The following CELSR3 variants were observed in gnomAD, a reference collection of about 807,000 sequenced individuals.
The protein encoded by CELSR3 is cadherin EGF LAG seven-pass G-type receptor 3, also known as EGF-like protein 1.
In CELSR3, 73 loss-of-function variants were observed where a neutral mutation model predicts 270.0. That is an observed-to-expected ratio of 0.27 (90% CI 0.22 to 0.33). The LOEUF (loss-of-function observed/expected upper bound fraction) is 0.33, where lower values mean the gene tolerates loss of function less well. Ranked by LOEUF, CELSR3 falls within the 10% of genes least tolerant of loss-of-function variation. CELSR3 has a pLI of 1.00. For synonymous variants in CELSR3, 1,780 were observed against 1,905.4 expected, an observed-to-expected ratio of 0.93 and a Z score of 1.71; for missense variants, 3,614 against 4,533.8, an observed-to-expected ratio of 0.80 and a Z score of 5.83.
chr3:48,650,664 C>A lies in CELSR3; in HGVS notation c.6371-83G>T, dbSNP rs1237036227. On this transcript the variant is annotated intron_variant, in intron 15 of 34. Transcript: ENST00000164024. This position sits in a 1 kb window ranked among gnomAD's most constrained non-coding sequence, Gnocchi z 5.1. ...CACCCACTGCCCCTCCACCACCCCC[C>A]ACAAGGCCCACTGCCCGCCACTCCT... 6 of 1,194,132 alleles carry A rather than the reference C, an allele frequency of 5.0e-6. No individual in the cohort carries two copies. The highest frequency in any genetic ancestry group is 5.1e-5 in the East Asian group (2 of 39,472). The allele number at this position is 1,194,132 out of a possible 1,614,324, so 74.0% of individuals were successfully genotyped here.
In CELSR3 at chr3:48,653,151, C is replaced by T; in HGVS notation, c.5485G>A (p.Gly1829Ser). Residue 1829 changes from glycine (G) to serine (S), a missense_variant, in exon 10 of 35, where the codon GGC becomes AGC. Gly to Ser is a moderately conservative substitution (Grantham distance 56). Coordinates refer to ENST00000164024, the MANE Select transcript of CELSR3 (RefSeq NM_001407.3). This position sits in a 1 kb window ranked among gnomAD's most constrained non-coding sequence, Gnocchi z 6.5. ...AGGAGATGGGAAGCACGGCCCGAGC[C>T]CCTGGTCACTGTCACAGACAGTAAC... ...RGLLSVTVTR[G>S]SGRASHLLLD... 1 of 1,613,310 alleles carries T rather than the reference C, an allele frequency of 6.2e-7. No homozygotes were observed. Among genetic ancestry groups the T allele is most frequent in the Non-Finnish European group, 8.5e-7 (1 of 1,180,022 alleles).
chr3:48,640,915 G>A lies in CELSR3; in HGVS notation c.9026-356C>T. The A allele has an allele frequency of 2.4e-6, 1 of 411,908 alleles. No individual in the cohort carries two copies. The highest frequency in any genetic ancestry group is 4.4e-6 in the Non-Finnish European group (1 of 229,548). 25.5% of individuals were successfully genotyped at this position (411,908 alleles called of 1,614,324 possible). A position where few individuals can be genotyped will look rare whatever the true frequency, so the allele number is the denominator to read the frequency against. On this transcript the variant is annotated intron_variant, in intron 33 of 34. Coordinates refer to ENST00000164024, the MANE Select transcript of CELSR3 (RefSeq NM_001407.3). The surrounding 1 kb of genome is among the most constrained non-coding windows in gnomAD (Gnocchi z 7.5). ...GAACCCCCCGGGTTGGACAGGAGCA[G>A]TCCCCAGGTCCCTGTGATGCAAGGG... is the stretch of plus-strand genomic sequence containing the variant.
In CELSR3 at chr3:48,653,897, G is replaced by A. The variant is rs369772611; in HGVS notation, c.5259C>T (p.Gly1753=). The part of the protein sequence containing the change: ...SFSCDCPVGF[G]GKDCQLTMAH... Reference sequence around the variant, plus strand: ...ACTTACTAAGCTGACAGTCTTTGCCGCCGAAGCCCACAGGGCAGTCGCAGC... The same window carrying A: ...ACTTACTAAGCTGACAGTCTTTGCCACCGAAGCCCACAGGGCAGTCGCAGC... Residue 1753 remains glycine, a synonymous_variant, in exon 8 of 35, where the codon GGC becomes GGT. Coordinates refer to ENST00000164024, the MANE Select transcript of CELSR3 (RefSeq NM_001407.3). This position sits in a 1 kb window ranked among gnomAD's most constrained non-coding sequence, Gnocchi z 6.5. 2.3e-5 allele frequency: 37 copies of A among 1,613,582 alleles called. No homozygotes were observed. The Admixed American group carries it at 3.0e-4, about 13-fold the overall frequency.
chr3:48,654,898 C>T lies in CELSR3; in HGVS notation c.4988+146G>A. 2 of 816,160 alleles carry T rather than the reference C, an allele frequency of 2.5e-6. No individual in the cohort carries two copies. The highest frequency in any genetic ancestry group is 4.0e-6 in the Non-Finnish European group (2 of 499,650). The allele number at this position is 816,160 out of a possible 1,614,324, so 50.6% of individuals were successfully genotyped here. A position where few individuals can be genotyped will look rare whatever the true frequency, so the allele number is the denominator to read the frequency against. The stretch of plus-strand genomic sequence containing the variant: ...TTGGGGGCTAGGGTGAGTAGGCTTT[C>T]AGGGTCTTTGAGAGGAGAGGGGAAT... On this transcript the variant is annotated intron_variant, in intron 6 of 34. Coordinates refer to ENST00000164024, the MANE Select transcript of CELSR3 (RefSeq NM_001407.3). The surrounding 1 kb of genome is among the most constrained non-coding windows in gnomAD (Gnocchi z 5.4).
In CELSR3 at chr3:48,651,618, A is replaced by T; in HGVS notation, c.6024T>A (p.Cys2008Ter). The T allele has an allele frequency of 6.3e-7, 1 of 1,589,366 alleles. No individual in the cohort carries two copies. The highest frequency in any genetic ancestry group is 8.6e-7 in the Non-Finnish European group (1 of 1,166,218). ...GCCCGAAATAGCCACCCACACAGTC[A>T]CAGGTATAGCCATGGGGGGCTCCTG... ...HLPGAPHGYT[C>*]DCVGGYFGHH... The change falls in exon 13 of 35, where the codon TGT becomes TGA. Residue 2008 changes from cysteine (C) to a stop codon, truncating the protein, a stop_gained. Coordinates refer to ENST00000164024, the MANE Select transcript of CELSR3 (RefSeq NM_001407.3). LOFTEE classifies it high-confidence loss of function. This position sits in a 1 kb window ranked among gnomAD's most constrained non-coding sequence, Gnocchi z 7.4.
In CELSR3 at chr3:48,642,289, G is replaced by C; in HGVS notation, c.8665+69C>G. 3 of 1,514,124 alleles carry C rather than the reference G, an allele frequency of 2.0e-6. No homozygotes were observed. The highest frequency in any genetic ancestry group is 2.7e-6 in the Non-Finnish European group (3 of 1,113,494). The allele number at this position is 1,514,124 out of a possible 1,614,324, so 93.8% of individuals were successfully genotyped here. A position where few individuals can be genotyped will look rare whatever the true frequency, so the allele number is the denominator to read the frequency against. On this transcript the variant is annotated intron_variant, in intron 31 of 34. Coordinates refer to ENST00000164024, the MANE Select transcript of CELSR3 (RefSeq NM_001407.3). This position sits in a 1 kb window ranked among gnomAD's most constrained non-coding sequence, Gnocchi z 6.1. ...CCAGTCAGCCACTGCTCCCAGTATGGGGTAGAAGAAAAGGGGATGGGGAGA... is the reference window on the plus strand; with the variant it reads ...CCAGTCAGCCACTGCTCCCAGTATGCGGTAGAAGAAAAGGGGATGGGGAGA...
At position 48,656,683 on chromosome 3, in the gene CELSR3, C is replaced by G. The variant is rs1255731044; in HGVS notation, c.4399+15G>C. ...GCCCGTGCTTCCCCCAGCTCTGGCC[C>G]GGCGCCCTGCTCACCGGTGAAGCGC... On this transcript the variant is annotated intron_variant, in intron 2 of 34. Coordinates refer to ENST00000164024, the MANE Select transcript of CELSR3 (RefSeq NM_001407.3). 2 of 1,469,132 alleles carry G rather than the reference C, an allele frequency of 1.4e-6. No individual in the cohort carries two copies. The highest frequency in any genetic ancestry group is 1.8e-6 in the Non-Finnish European group (2 of 1,117,070). The allele number at this position is 1,469,132 out of a possible 1,614,324, so 91.0% of individuals were successfully genotyped here. A position where few individuals can be genotyped will look rare whatever the true frequency, so the allele number is the denominator to read the frequency against.
In CELSR3 at chr3:48,653,757, G is replaced by T. The variant is rs146204269; in HGVS notation, c.5310C>A (p.Asn1770Lys). ...TMAHPHHFRGNGTLSWNFGSD... is the reference protein window; with the variant it reads ...TMAHPHHFRGKGTLSWNFGSD... ...TTCCAAAGTTCCAGCTCAGTGTGCC[G>T]TTGCCACGGAAATGGTGGGGATGGG... The change falls in exon 9 of 35, where the codon AAC becomes AAA. Residue 1770 changes from asparagine to lysine, a missense_variant. This residue lies in a region of CELSR3 where 1,331 missense variants were observed against 1,933.7 expected (regional missense o/e 0.69). Coordinates refer to ENST00000164024, the MANE Select transcript of CELSR3 (RefSeq NM_001407.3). The surrounding 1 kb of genome is among the most constrained non-coding windows in gnomAD (Gnocchi z 6.5). 1.2e-6 allele frequency: 2 copies of T among 1,614,194 alleles called. No homozygotes were observed. Among genetic ancestry groups the T allele is most frequent in the African/African-American group, 2.7e-5 (2 of 75,058 alleles).
At position 48,645,386 on chromosome 3, in the gene CELSR3, G is replaced by A; in HGVS notation, c.7797+57C>T. The A allele has an allele frequency of 6.2e-7, 1 of 1,603,454 alleles. No homozygotes were observed. The highest frequency in any genetic ancestry group is 8.5e-7 in the Non-Finnish European group (1 of 1,171,818). ...CCTCTGACCCTGAGTTTTGGCCCCAGGCCTCCTGGGCCAGTAGGGTCATCA... is the reference window on the plus strand; with the variant it reads ...CCTCTGACCCTGAGTTTTGGCCCCAAGCCTCCTGGGCCAGTAGGGTCATCA... On this transcript the variant is annotated intron_variant, in intron 24 of 34. Coordinates refer to ENST00000164024, the MANE Select transcript of CELSR3 (RefSeq NM_001407.3). The surrounding 1 kb of genome is among the most constrained non-coding windows in gnomAD (Gnocchi z 5.4).
Position 48,656,119 on chromosome 3 carries a change from A to G in CELSR3, c.4625+21T>C, listed in dbSNP as rs1402757573. Reference sequence around the variant, plus strand: ...AGGTGGGGGCGGCGGGGAGGCGCTCAGACACGGGGCGGGCACCTACGAGAG... The same window carrying G: ...AGGTGGGGGCGGCGGGGAGGCGCTCGGACACGGGGCGGGCACCTACGAGAG... On this transcript the variant is annotated intron_variant, in intron 3 of 34. Coordinates refer to ENST00000164024, the MANE Select transcript of CELSR3 (RefSeq NM_001407.3). The G allele has an allele frequency of 2.6e-6, 4 of 1,530,588 alleles. No individual in the cohort carries two copies. The South Asian group carries it at 3.6e-5, about 14-fold the overall frequency. 94.8% of individuals were successfully genotyped at this position (1,530,588 alleles called of 1,614,324 possible). A position where few individuals can be genotyped will look rare whatever the true frequency, so the allele number is the denominator to read the frequency against.
Position 48,640,944 on chromosome 3 carries a change from G to A in CELSR3, c.9025+380C>T, listed in dbSNP as rs1170653999. ...CCAGGTCCCTGTGATGCAAGGGTGA[G>A]GGCAGAAACCTCTTCTCCGGGTCCC... is the stretch of plus-strand genomic sequence containing the variant. On this transcript the variant is annotated intron_variant, in intron 33 of 34. Coordinates refer to ENST00000164024, the MANE Select transcript of CELSR3 (RefSeq NM_001407.3). This position sits in a 1 kb window ranked among gnomAD's most constrained non-coding sequence, Gnocchi z 7.5. 7.8e-6 allele frequency: 3 copies of A among 382,738 alleles called. No individual in the cohort carries two copies. The highest frequency in any genetic ancestry group is 1.4e-5 in the Non-Finnish European group (3 of 211,958). The allele number at this position is 382,738 out of a possible 1,614,324, so 23.7% of individuals were successfully genotyped here.
rs1041332718 is a variant in CELSR3 at position 48,643,672 on chromosome 3, A to G, written c.8171T>C (p.Leu2724Pro). ...CAGAAGCAGCAGGAAGGAGCTGCGAAGGGTCCTGCTGTGGGGACATGGGAA... is the reference window on the plus strand; with the variant it reads ...CAGAAGCAGCAGGAAGGAGCTGCGAGGGGTCCTGCTGTGGGGACATGGGAA... ...REAKKTSALT[L>P]RSSFLLLLLV... The change falls in exon 28 of 35, where the codon CTT becomes CCT. Residue 2724 changes from leucine to proline, a missense_variant. This residue lies in a region of CELSR3 where 1,240 missense variants were observed against 1,351.7 expected (regional missense o/e 0.92). Coordinates refer to ENST00000164024, the MANE Select transcript of CELSR3 (RefSeq NM_001407.3). 2 of 1,552,556 alleles carry G rather than the reference A, an allele frequency of 1.3e-6. No homozygotes were observed. Among genetic ancestry groups the G allele is most frequent in the Non-Finnish European group, 1.7e-6 (2 of 1,147,718 alleles).
intron 2 of CELSR3, 85 bp from the exon 3 acceptor site, chr3:48,656,450 G>A (rs576588920): frequency 1.6e-5 from 21 of 1,273,870 alleles, no homozygotes; most frequent in Middle Eastern, 2.9e-4. Flanking sequence ...CCCAGAGGCC[G>A]GGTGCCAAGA....
In CELSR3 at chr3:48,662,358, G is replaced by C; in HGVS notation, c.277C>G (p.Gln93Glu). The stretch of plus-strand genomic sequence containing the variant: ...GGCCCTCGACTATTCCGGGCGCTTT[G>C]CCTTCTCCCTCGGAGCCCCACGAAG... ...PIFVGLRGRR[Q>E]SARNSRGPPE... Residue 93 changes from glutamine to glutamate, a missense_variant, in exon 1 of 35, where the codon CAA (glutamine) becomes GAA (glutamate). Gln to Glu is a conservative substitution (Grantham distance 29). Transcript: ENST00000164024. The surrounding 1 kb of genome is among the most constrained non-coding windows in gnomAD (Gnocchi z 7.1). The C allele has an allele frequency of 1.2e-6, 2 of 1,613,002 alleles. No homozygotes were observed. Among genetic ancestry groups the C allele is most frequent in the Non-Finnish European group, 1.7e-6 (2 of 1,180,008 alleles).
At position 48,659,694 on chromosome 3, in the gene CELSR3, G is replaced by C; in HGVS notation, c.2941C>G (p.Leu981Val). 1 of 1,614,234 alleles carries C rather than the reference G, an allele frequency of 6.2e-7. No homozygotes were observed. Among genetic ancestry groups the C allele is most frequent in the Non-Finnish European group, 8.5e-7 (1 of 1,180,052 alleles). Residue 981 changes from leucine to valine, a missense_variant, in exon 1 of 35, where the codon CTG becomes GTG. Transcript: ENST00000164024. The surrounding 1 kb of genome is among the most constrained non-coding windows in gnomAD (Gnocchi z 8.1). ...SEDAPPFTSV[L>V]QISATDRDAH... ...TCCCGGTCAGTGGCTGAGATCTGCAGGACACTGGTGAAAGGTGGGGCATCC... is the reference window on the plus strand; with the variant it reads ...TCCCGGTCAGTGGCTGAGATCTGCACGACACTGGTGAAAGGTGGGGCATCC...
chr3:48,661,931 A>C lies in CELSR3; in HGVS notation c.704T>G (p.Leu235Arg), dbSNP rs1406590609. ...AERTAPRRNC[L>R]PGASGSGPEL... Reference sequence around the variant, plus strand: ...GGGGCCAGATCCCGAGGCCCCTGGAAGACAGTTCCGCCGGGGGGCTGTCCT... The same window carrying C: ...GGGGCCAGATCCCGAGGCCCCTGGACGACAGTTCCGCCGGGGGGCTGTCCT... The change falls in exon 1 of 35, where the codon CTT becomes CGT. Residue 235 changes from leucine to arginine, a missense_variant. Transcript: ENST00000164024. The C allele has an allele frequency of 6.2e-7, 1 of 1,613,232 alleles. No individual in the cohort carries two copies. The highest frequency in any genetic ancestry group is 1.3e-5 in the African/African-American group (1 of 74,930).
rs1229752325 is a variant in CELSR3 at position 48,640,496 on chromosome 3, G to A, written c.9089C>T (p.Ser3030Phe). The A allele has an allele frequency of 3.1e-6, 5 of 1,611,348 alleles. No individual in the cohort carries two copies. In the South Asian group the frequency reaches 5.5e-5, roughly 18 times the overall value. ...VPQTRGAPEL[S>F]WCRAATLGHR... ...GCCCAAGGTGGCTGCACGGCACCAG[G>A]ACAGCTCAGGGGCACCTCGGGTCTG... Residue 3030 changes from serine (S) to phenylalanine (F), a missense_variant, in exon 34 of 35, where the codon TCC (serine) becomes TTC (phenylalanine). Ser to Phe is a radical substitution (Grantham distance 155). Coordinates refer to ENST00000164024, the MANE Select transcript of CELSR3 (RefSeq NM_001407.3). The surrounding 1 kb of genome is among the most constrained non-coding windows in gnomAD (Gnocchi z 7.5).
chr3:48,662,165 G>T lies in CELSR3; in HGVS notation c.470C>A (p.Ala157Asp). Residue 157 changes from alanine (A) to aspartate (D), a missense_variant, in exon 1 of 35, where the codon GCT becomes GAT. Physicochemically the swap from Ala to Asp is moderately radical, Grantham distance 126 (BLOSUM62 -2). Around this residue, in one of 7 missense-constraint regions of CELSR3, gnomAD observed 470 missense variants for 469.7 expected, o/e 1.00. Transcript: ENST00000164024. This position sits in a 1 kb window ranked among gnomAD's most constrained non-coding sequence, Gnocchi z 7.1. ...CGAGCCCGGGACCCCTGAGGACAGA[G>T]CCCCTGGTGACAGACTACCTCTTTG... ...PLQRGSLSPG[A>D]LSSGVPGSGN... 1.9e-6 allele frequency: 3 copies of T among 1,612,620 alleles called. No homozygotes were observed. The highest frequency in any genetic ancestry group is 1.3e-5 in the African/African-American group (1 of 75,010).
At position 48,657,103 on chromosome 3, in the gene CELSR3, C is replaced by A. The variant is rs781204316; in HGVS notation, c.3994G>T (p.Ala1332Ser). Residue 1332 changes from alanine to serine, a missense_variant, in exon 2 of 35, where the codon GCG becomes TCG. By Grantham distance (99) the Ala-to-Ser change is moderately conservative (BLOSUM62 1). Coordinates refer to ENST00000164024, the MANE Select transcript of CELSR3 (RefSeq NM_001407.3). This position sits in a 1 kb window ranked among gnomAD's most constrained non-coding sequence, Gnocchi z 5.4. ...GCCCCGGCCCCACGTGGAGCTAGCG[C>A]CGAGAAACTCACATTGAGCACGGTG... ...GGTVLNVSFSALAPRGAGAGA... is the reference protein window; with the variant it reads ...GGTVLNVSFSSLAPRGAGAGA... 2 of 1,613,918 alleles carry A rather than the reference C, an allele frequency of 1.2e-6. No individual in the cohort carries two copies.
Sources: gnomAD v4.1 joint callset for allele counts on GRCh38, gnomAD v4.1.1 for gene constraint, gnomAD v4.1.1 regional missense constraint, Gnocchi (gnomAD v3.1) non-coding constraint, MANE v1.5 for transcripts, NCBI Gene and HGNC (gene_info 2026-07-23, HGNC 2026-07-21) for gene names.